The following PLEKHG1 variants were observed in gnomAD, a reference collection of about 807,000 sequenced individuals.
PLEKHG1 encodes the protein pleckstrin homology domain-containing family G member 1.
PLEKHG1 carries 44 observed loss-of-function variants against 100.8 expected under a neutral mutation model. The observed-to-expected ratio is 0.44, with a 90% CI of 0.34 to 0.56. The LOEUF (loss-of-function observed/expected upper bound fraction) is 0.56. Among genes scored for constraint, PLEKHG1 ranks in the 20% least tolerant of loss-of-function variants. The pLI is 0.01. For missense variants in PLEKHG1, 1,545 were observed against 1,720.9 expected (o/e 0.90, Z 1.81); for synonymous variants, 640 against 662.5 (o/e 0.97, Z 0.52).
chr6:150,807,935 C>G (rs760146445), intron 7 of PLEKHG1, among the ~76,000 whole-genome samples: 3 of 152,088 alleles, frequency 2.0e-5, no homozygotes, highest in Admixed American at 2.0e-4. Context: ...TGCCACTGCA[C>G]TCCAGCCTGG....
At chr6:150,841,023 T>G (rs1371177580) in exon 16 of PLEKHG1, 8 of 780,000 alleles carry the variant, frequency 1.0e-5, no homozygotes, top group Non-Finnish European at 1.5e-5. Flanking sequence ...TAAAATATAC[T>G]TTCTTTTACA....
intron 3 of PLEKHG1, among the ~76,000 whole-genome samples, chr6:150,695,477 G>C (rs1780506538): frequency 6.6e-6 from 1 of 152,182 alleles, no homozygotes; most frequent in Admixed American, 6.5e-5. Context: ...ATAGAGAAAA[G>C]AGCTGATTCT....
intron 3 of PLEKHG1, among the ~76,000 whole-genome samples, chr6:150,691,281 A>AT (rs1472427152): frequency 6.6e-6 from 1 of 152,108 alleles, no homozygotes. Context: ...TCCTTTAAGT[A>AT]TTTTTCAATC....
At chr6:150,689,505 C>T (rs1335619478) in intron 3 of PLEKHG1, among the ~76,000 whole-genome samples, 1 of 152,142 alleles carries the variant, frequency 6.6e-6, no homozygotes, top group Non-Finnish European at 1.5e-5. Context: ...AGAAAAAATA[C>T]TTAACAAATT....
At chr6:150,703,649 C>T (rs1380941965) in intron 3 of PLEKHG1, among the ~76,000 whole-genome samples, 5 of 150,482 alleles carry the variant, frequency 3.3e-5, no homozygotes, top group Non-Finnish European at 7.4e-5. Context: ...GAGCTACTTC[C>T]TACAGTATTA....
chr6:150,644,318 G>GT (rs1413768548), intron 2 of PLEKHG1, among the ~76,000 whole-genome samples: 1 of 135,282 alleles, frequency 7.4e-6, no homozygotes, highest in South Asian at 2.3e-4. Flanking sequence ...AAAGAGAGTG[G>GT]TTTTTTTCTT....
chr6:150,728,256 G>C (rs556791617), intron 1 of PLEKHG1, among the ~76,000 whole-genome samples: 3 of 151,274 alleles, frequency 2.0e-5, no homozygotes, highest in African/African-American at 7.3e-5. Context: ...AAATATATAT[G>C]AACTACTTAT....
intron 15 of PLEKHG1, among the ~76,000 whole-genome samples, chr6:150,832,919 C>T (rs992348874): frequency 2.0e-5 from 3 of 151,920 alleles, no homozygotes; most frequent in Admixed American, 6.6e-5. Context: ...TCAAGCAATC[C>T]TCTTGCCTCA....
intron 5 of PLEKHG1, among the ~76,000 whole-genome samples, chr6:150,800,229 G>A (rs959141287): frequency 1.3e-5 from 2 of 152,132 alleles, no homozygotes; most frequent in South Asian, 2.1e-4. Context: ...TCATATAAAA[G>A]GGGCCAGCAG....
intron 5 of PLEKHG1, among the ~76,000 whole-genome samples, chr6:150,799,903 G>A (rs1377574083): frequency 2.0e-5 from 3 of 152,202 alleles, no homozygotes; most frequent in African/African-American, 4.8e-5. Context: ...ATTTACACGC[G>A]TGTGACTGCA....
intron 13 of PLEKHG1, among the ~76,000 whole-genome samples, chr6:150,821,440 T>C (rs1361041079): frequency 6.6e-6 from 1 of 152,176 alleles, no homozygotes; most frequent in African/African-American, 2.4e-5. Context: ...TCCCAGCACT[T>C]TGGGAGGCCG....
chr6:150,800,944 T>A lies in PLEKHG1; in HGVS notation c.780+75T>A, dbSNP rs187479377. The A allele has an allele frequency of 8.2e-5, 99 of 1,213,644 alleles. No homozygotes were observed. In the Middle Eastern group the frequency reaches 2.1e-3, roughly 25 times the overall value. The allele number at this position is 1,213,644 out of a possible 1,614,324, so 75.2% of individuals were successfully genotyped here. On this transcript the variant is annotated intron_variant, in intron 6 of 15. Coordinates refer to ENST00000358517, the Ensembl canonical transcript of PLEKHG1. ...TGTATATATTAAGTTTGGTGGAAAA[T>A]ACCAGAAAATGCTATGGACATATGG...
At chr6:150,622,222 A>G (rs1777329193) in intron 1 of PLEKHG1, among the ~76,000 whole-genome samples, 1 of 152,224 alleles carries the variant, frequency 6.6e-6, no homozygotes, top group Non-Finnish European at 1.5e-5. Context: ...AACATGTTAT[A>G]TGGGCACTCT....
chr6:150,821,057 T>G (rs376623334), intron 12 of PLEKHG1, 138 bp from the exon 14 acceptor site: 9 of 661,582 alleles, frequency 1.4e-5, no homozygotes, highest in Non-Finnish European at 2.4e-5. Flanking sequence ...CTCTGAGCAA[T>G]GGGGATTTTG....
chr6:150,827,031 C>A (rs930347224), intron 14 of PLEKHG1, among the ~76,000 whole-genome samples: 1 of 135,188 alleles, frequency 7.4e-6, no homozygotes, highest in African/African-American at 2.8e-5. Context: ...CCTTTCTTTC[C>A]TTTCTCTTTC....
At position 150,644,334 on chromosome 6, in the gene PLEKHG1, G is replaced by GTTTTTTTTTTTTTTTTTTTTTTTT. The variant is rs57840463; in HGVS notation, c.-158+6227_-158+6228insTTTTTTTTTTTTTTTTTTTTTTTT. Among the ~76,000 whole-genome samples the GTTTTTTTTTTTTTTTTTTTTTTTT allele has an allele frequency of 1.3e-3, 153 of 117,564 alleles. 15 individuals are homozygous for GTTTTTTTTTTTTTTTTTTTTTTTT. Among genetic ancestry groups the GTTTTTTTTTTTTTTTTTTTTTTTT allele is most frequent in the African/African-American group, 4.6e-3 (132 of 28,598 alleles). 77.1% of individuals were successfully genotyped at this position (117,564 alleles called of 152,430 possible). ...AAGAGAGTGGTTTTTTTCTTTTCGT[G>GTTTTTTTTTTTTTTTTTTTTTTTT]TTTTTTTTTTTTTTTTTTGTTACAG... is the stretch of plus-strand genomic sequence containing the variant. On this transcript the variant is annotated intron_variant, in intron 2 of 3. Coordinates refer to the PLEKHG1 transcript ENST00000367326.
intron 3 of PLEKHG1, among the ~76,000 whole-genome samples, chr6:150,710,046 T>C (rs1392869789): frequency 2.0e-5 from 3 of 152,220 alleles, no homozygotes; most frequent in African/African-American, 7.2e-5. Context: ...TGATAACCAA[T>C]AGTCATTATG....
exon 16 of PLEKHG1, chr6:150,840,532 A>C: frequency 6.2e-7 from 1 of 1,614,182 alleles, no homozygotes; most frequent in Non-Finnish European, 8.5e-7. Context: ...GCAACACAGA[A>C]TTATTTTTCC....
intron 3 of PLEKHG1, among the ~76,000 whole-genome samples, chr6:150,774,835 T>C (rs1784879500): frequency 6.6e-6 from 1 of 151,920 alleles, no homozygotes; most frequent in Non-Finnish European, 1.5e-5. Context: ...CATCCCAATT[T>C]ATTTATATTT....
Sources: allele counts gnomAD v4.1 joint callset (sites outside exome capture counted in the v4.1 genomes callset), GRCh38; gene constraint gnomAD v4.1.1; transcripts MANE v1.5; gene names NCBI Gene and HGNC (gene_info 2026-07-23, HGNC 2026-07-21).